DNAH1: variants seen among roughly 807,000 people sequenced by gnomAD.
The protein encoded by DNAH1 is axonemal beta dynein heavy chain 1.
A neutral mutation model predicts 484.3 loss-of-function variants in DNAH1; 327 were observed. That is an observed-to-expected ratio of 0.68 (90% CI 0.62 to 0.74). The LOEUF (loss-of-function observed/expected upper bound fraction) is 0.74, where lower values mean the gene tolerates loss of function less well. Among genes scored for constraint, DNAH1 ranks in the 30% least tolerant of loss-of-function variants. The pLI is 0.00. For missense variants in DNAH1, 5,052 were observed against 5,546.8 expected, an observed-to-expected ratio of 0.91 and a Z score of 2.83; for synonymous variants, 2,192 against 2,191.9, an observed-to-expected ratio of 1.00 and a Z score of 0.00.
At position 52,348,919 on chromosome 3, in the gene DNAH1, AC is replaced by A. The variant is rs1469759999; in HGVS notation, c.2143del (p.Leu715CysfsTer27). The A allele has an allele frequency of 1.2e-6, 2 of 1,612,564 alleles. No homozygotes were observed. The highest frequency in any genetic ancestry group is 2.2e-5 in the South Asian group (2 of 91,030). ...LVMEDIFISGDPLLESVGLHE... is the reference protein window; with the variant it reads ...LVMEDIFISGXPLLESVGLHE... ...ATGGAGGACATCTTCATCAGCGGTGACCCCCTGCTGGAGTCCGTGGGCCTTC... is the reference window on the plus strand; with the variant it reads ...ATGGAGGACATCTTCATCAGCGGTGACCCCTGCTGGAGTCCGTGGGCCTTC... On this transcript the variant is annotated frameshift_variant, in exon 13 of 78. Transcript: ENST00000420323. LOFTEE classifies it high-confidence loss of function.
In DNAH1 at chr3:52,395,733, G is replaced by C; in HGVS notation, c.11259+55G>C. On this transcript the variant is annotated intron_variant, in intron 70 of 77. Coordinates refer to ENST00000420323, the MANE Select transcript of DNAH1 (RefSeq NM_015512.5). This position sits in a 1 kb window ranked among gnomAD's most constrained non-coding sequence, Gnocchi z 4.4. ...TGGGGCCGCCTCTGCATCCATCAGG[G>C]ACTAATGAGGCAGAAATAAGAGAAT... 3 of 1,572,150 alleles carry C rather than the reference G, an allele frequency of 1.9e-6. No individual in the cohort carries two copies. Among genetic ancestry groups the C allele is most frequent in the Non-Finnish European group, 2.6e-6 (3 of 1,155,936 alleles).
chr3:52,346,829 G>T, intron 11 of DNAH1, 59 bp downstream of exon 11: 2 of 1,530,532 alleles, frequency 1.3e-6, no homozygotes, highest in South Asian at 1.3e-5. Context: ...ACCTGCTGGG[G>T]ATGGAGCAGG....
At chr3:52,363,854 A>G (rs1702963109) in intron 32 of DNAH1, among the ~76,000 whole-genome samples, 1 of 152,160 alleles carries the variant, frequency 6.6e-6, no homozygotes, top group South Asian at 2.1e-4. Flanking sequence ...ACCAAAATCT[A>G]TGAGCTAGAA....
intron 27 of DNAH1, 71 bp from the exon 28 acceptor site, chr3:52,360,240 C>T: frequency 1.3e-6 from 2 of 1,522,348 alleles, no homozygotes; most frequent in South Asian, 1.2e-5. Context: ...AGAACCCTCT[C>T]TCCTTGACTA....
At chr3:52,356,905 T>C in intron 22 of DNAH1, 127 bp downstream of exon 22, 3 of 1,208,186 alleles carry the variant, frequency 2.5e-6, no homozygotes, top group Non-Finnish European at 3.4e-6. Context: ...GGATTTGATC[T>C]TGAACCATGT....
rs373792628 is a variant in DNAH1 at position 52,326,793 on chromosome 3, G to A, written c.640G>A (p.Asp214Asn). The A allele has an allele frequency of 2.4e-4, 392 of 1,613,718 alleles. No individual in the cohort carries two copies. The highest frequency in any genetic ancestry group is 3.0e-4 in the Non-Finnish European group (354 of 1,179,804). The change falls in exon 5 of 78, where the codon GAC becomes AAC. Residue 214 changes from aspartate (D) to asparagine (N), a missense_variant. By Grantham distance (23) the Asp-to-Asn change is conservative. Transcript: ENST00000420323. The stretch of plus-strand genomic sequence containing the variant: ...GCAGTTGCTGTTCAGCCAGGGCATC[G>A]ACTCCAACAAGCTCATGCCCAGGCA... ...IEQLLFSQGI[D>N]SNKLMPRHLD... is the part of the protein sequence containing the mutation.
chr3:52,346,726 C>T lies in DNAH1; in HGVS notation c.1911C>T (p.Thr637=), dbSNP rs759143545. The T allele has an allele frequency of 4.0e-5, 64 of 1,613,220 alleles. No individual in the cohort carries two copies. Among genetic ancestry groups the T allele is most frequent in the African/African-American group, 8.0e-5 (6 of 74,942 alleles). Residue 637 remains threonine (T), a synonymous_variant, in exon 11 of 78, where the codon ACC becomes ACT. Coordinates refer to ENST00000420323, the MANE Select transcript of DNAH1 (RefSeq NM_015512.5). ...SDTCCSVLNC[T]DDMVWGDDLI... is the part of the protein sequence containing the mutation. Reference sequence around the variant, plus strand: ...CCTGTTGCAGCGTGCTCAACTGCACCGATGACATGGTCTGGGGTGACGACT... The same window carrying T: ...CCTGTTGCAGCGTGCTCAACTGCACTGATGACATGGTCTGGGGTGACGACT...
Position 52,383,989 on chromosome 3 carries a change from G to A in DNAH1, c.8280G>A (p.Glu2760=), listed in dbSNP as rs1387497719. Residue 2760 remains glutamate, a synonymous_variant, in exon 52 of 78, where the codon GAG becomes GAA. Transcript: ENST00000420323. Reference sequence around the variant, plus strand: ...CTGTGGCCACCGTGTTCCTCAATGAGATCCCAGAACTGGAATCCTCCCAGG... The same window carrying A: ...CTGTGGCCACCGTGTTCCTCAATGAAATCCCAGAACTGGAATCCTCCCAGG... ...LKSVATVFLN[E]IPELESSQEE... is the part of the protein sequence containing the mutation. 7 of 1,610,622 alleles carry A rather than the reference G, an allele frequency of 4.3e-6. No individual in the cohort carries two copies. In the East Asian group the frequency reaches 1.6e-4, roughly 36 times the overall value.
chr3:52,391,698 T>A, intron 63 of DNAH1, 95 bp downstream of exon 63: 1 of 1,442,822 alleles, frequency 6.9e-7, no homozygotes, highest in Admixed American at 1.8e-5. Context: ...TCAGTGGGAC[T>A]TTCCCCCACT....
At chr3:52,357,757 C>T (rs1410286548) in intron 23 of DNAH1, 22 bp downstream of exon 23, 1 of 1,571,710 alleles carries the variant, frequency 6.4e-7, no homozygotes, top group Non-Finnish European at 8.6e-7. Flanking sequence ...CTGGCCATGC[C>T]CACTCCGCCA....
chr3:52,356,599 C>A lies in DNAH1; in HGVS notation c.3694-15C>A. The A allele has an allele frequency of 1.2e-6, 2 of 1,612,410 alleles. No homozygotes were observed. The highest frequency in any genetic ancestry group is 1.7e-6 in the Non-Finnish European group (2 of 1,179,730). On this transcript the variant is annotated splice_polypyrimidine_tract_variant and intron_variant, in intron 21 of 77. Coordinates refer to ENST00000420323, the MANE Select transcript of DNAH1 (RefSeq NM_015512.5). ...CAGTCCATATCACACCCCTCCCTGC[C>A]CCTCCCCTCCCCAGGAGGTTCTGGA...
At position 52,364,751 on chromosome 3, in the gene DNAH1, G is replaced by A. The variant is rs756806328; in HGVS notation, c.5331+27G>A. 12 of 1,609,008 alleles carry A rather than the reference G, an allele frequency of 7.5e-6. No individual in the cohort carries two copies. Among genetic ancestry groups the A allele is most frequent in the Middle Eastern group, 1.7e-4 (1 of 6,058 alleles). ...TGAGCTCCACCCAGCAGGGCTCCAGGAGTGGAACTCTGGGAGGGCTCCTGG... is the reference window on the plus strand; with the variant it reads ...TGAGCTCCACCCAGCAGGGCTCCAGAAGTGGAACTCTGGGAGGGCTCCTGG... On this transcript the variant is annotated intron_variant, in intron 33 of 77. Transcript: ENST00000420323. The surrounding 1 kb of genome is among the most constrained non-coding windows in gnomAD (Gnocchi z 4.2).
At position 52,375,352 on chromosome 3, in the gene DNAH1, C is replaced by T. The variant is rs1351810578; in HGVS notation, c.7098C>T (p.Phe2366=). The T allele has an allele frequency of 9.3e-6, 15 of 1,613,682 alleles. No homozygotes were observed. The highest frequency in any genetic ancestry group is 1.3e-5 in the African/African-American group (1 of 75,052). The change falls in exon 45 of 78, where the codon TTC becomes TTT. Residue 2366 remains phenylalanine (F), a synonymous_variant. Transcript: ENST00000420323. ...TGCGTCACTTCAACTACCTGTCTTT[C>T]GCTGAGATGGACGAGGTCAGCAAGA... ...RLMRHFNYLS[F]AEMDEVSKKR...
At chr3:52,338,481 C>T (rs1578096674) in intron 8 of DNAH1, among the ~76,000 whole-genome samples, 1 of 152,182 alleles carries the variant, frequency 6.6e-6, no homozygotes, top group East Asian at 1.9e-4. Context: ...TAGTCTTCAA[C>T]TTACAATAAA....
chr3:52,349,302 T>C lies in DNAH1; in HGVS notation c.2408T>C (p.Ile803Thr), dbSNP rs201989206. Residue 803 changes from isoleucine to threonine, a missense_variant, in exon 14 of 78, where the codon ATT becomes ACT. Ile to Thr is a moderately conservative substitution (Grantham distance 89). Coordinates refer to ENST00000420323, the MANE Select transcript of DNAH1 (RefSeq NM_015512.5). ...LDSSLPSSII[I>T]GPFYINTDNV... ...AGCTCGCTGCCCAGCAGCATCATCA[T>C]TGGGCCTTTCTACATCAACACCGAC... 5.5e-5 allele frequency: 88 copies of C among 1,613,846 alleles called. 1 individual carries two copies. Among genetic ancestry groups the C allele is most frequent in the Non-Finnish European group, 5.2e-5 (61 of 1,179,890 alleles).
chr3:52,393,098 A>G, intron 65 of DNAH1, 73 bp downstream of exon 65: 10 of 1,536,524 alleles, frequency 6.5e-6, no homozygotes, highest in Non-Finnish European at 8.9e-6. Context: ...TGTGGGGCAC[A>G]CACAAACTCA....
At position 52,398,840 on chromosome 3, in the gene DNAH1, G is replaced by A. The variant is rs1553643566; in HGVS notation, c.12090-10G>A. 6.6e-7 allele frequency: 1 copy of A among 1,521,904 alleles called. No homozygotes were observed. The highest frequency in any genetic ancestry group is 8.8e-7 in the Non-Finnish European group (1 of 1,131,696). 94.3% of individuals were successfully genotyped at this position (1,521,904 alleles called of 1,614,324 possible). ...GCCCACTACCTATTCTCTTGCCACTGGCCTCACAGGTACAATCGGCTGCTG... is the reference window on the plus strand; with the variant it reads ...GCCCACTACCTATTCTCTTGCCACTAGCCTCACAGGTACAATCGGCTGCTG... On this transcript the variant is annotated splice_polypyrimidine_tract_variant and intron_variant, in intron 75 of 77. Coordinates refer to ENST00000420323, the MANE Select transcript of DNAH1 (RefSeq NM_015512.5).
At position 52,393,376 on chromosome 3, in the gene DNAH1, C is replaced by T. The variant is rs1704481900; in HGVS notation, c.10517C>T (p.Thr3506Ile). Residue 3506 changes from threonine (T) to isoleucine (I), a missense_variant, in exon 66 of 78, where the codon ACC becomes ATC. Thr to Ile is a moderately conservative substitution (Grantham distance 89, BLOSUM62 -1). This residue lies in a region of DNAH1 where 2,929 missense variants were observed against 3,409.4 expected (regional missense o/e 0.86). Transcript: ENST00000420323. ...ATCTCCAACATCAACCGCTACCTGA[C>T]CTACAGCCTCTACAGCAACGTCTGC... ...KRISNINRYL[T>I]YSLYSNVCRS... 1 of 1,613,902 alleles carries T rather than the reference C, an allele frequency of 6.2e-7. No homozygotes were observed. The highest frequency in any genetic ancestry group is 2.2e-5 in the East Asian group (1 of 44,888).
chr3:52,360,561 G>A (rs1702812960), intron 28 of DNAH1, 137 bp downstream of exon 28: 1 of 691,564 alleles, frequency 1.4e-6, no homozygotes, highest in African/African-American at 1.8e-5. Context: ...CAAGGGCTTT[G>A]GGCTCAGACC....
Sources: allele counts gnomAD v4.1 joint callset (sites outside exome capture counted in the v4.1 genomes callset), GRCh38; gene constraint gnomAD v4.1.1; regional missense constraint gnomAD v4.1.1; non-coding constraint Gnocchi (gnomAD v3.1); transcripts MANE v1.5; gene names NCBI Gene and HGNC (gene_info 2026-07-23, HGNC 2026-07-21).